ANKRD33B: variants seen among roughly 807,000 people sequenced by gnomAD.
The protein encoded by ANKRD33B is ankyrin repeat domain 33B, also known as ankyrin repeat domain-containing protein 33B.
Under a neutral mutation model 21.5 loss-of-function variants are expected in ANKRD33B, and 6 were observed. That is an observed-to-expected ratio of 0.28 (90% CI 0.15 to 0.55). The LOEUF (loss-of-function observed/expected upper bound fraction) is 0.55. ANKRD33B is among the 20% of genes least tolerant of loss of function. ANKRD33B has a pLI of 0.94. For synonymous variants in ANKRD33B, 347 were observed against 342.4 expected, an observed-to-expected ratio of 1.01 and a Z score of -0.15; for missense variants, 698 against 747.2, an observed-to-expected ratio of 0.93 and a Z score of 0.77.
intron 1 of ANKRD33B, among the ~76,000 whole-genome samples, chr5:10,589,221 C>G (rs151086338): frequency 6.6e-6 from 1 of 152,132 alleles, no homozygotes; most frequent in African/African-American, 2.4e-5. Context: ...CAGGCCCCTC[C>G]GTTTCTCGTT....
intron 1 of ANKRD33B, among the ~76,000 whole-genome samples, chr5:10,617,489 T>C (rs951802927): frequency 3.9e-5 from 6 of 152,190 alleles, no homozygotes; most frequent in African/African-American, 1.2e-4. Flanking sequence ...CTTTCCAGAA[T>C]CCAAATTCGC....
chr5:10,636,355 G>A (rs1261283156), intron 2 of ANKRD33B, among the ~76,000 whole-genome samples: 2 of 152,130 alleles, frequency 1.3e-5, no homozygotes, highest in African/African-American at 4.8e-5. Flanking sequence ...CTCACACCTG[G>A]AATCCCAGCA....
At chr5:10,602,511 C>T (rs1735955293) in intron 1 of ANKRD33B, among the ~76,000 whole-genome samples, 1 of 152,226 alleles carries the variant, frequency 6.6e-6, no homozygotes, top group African/African-American at 2.4e-5. Flanking sequence ...TTGTGCATGA[C>T]AGGCCCAATA....
chr5:10,636,301 C>T (rs115539827), intron 2 of ANKRD33B, among the ~76,000 whole-genome samples: 2,034 of 152,220 alleles, frequency 0.013, 52 homozygotes, highest in African/African-American at 0.044. Flanking sequence ...CTGAGCACTG[C>T]GTCATCGGTG....
At chr5:10,601,189 G>C (rs1199342273) in intron 1 of ANKRD33B, among the ~76,000 whole-genome samples, 1 of 152,160 alleles carries the variant, frequency 6.6e-6, no homozygotes, top group Non-Finnish European at 1.5e-5. Context: ...TGGCAAGGCT[G>C]TCTCCTCCCA....
intron 1 of ANKRD33B, among the ~76,000 whole-genome samples, chr5:10,603,574 C>T (rs555944528): frequency 6.6e-6 from 1 of 152,154 alleles, no homozygotes; most frequent in Non-Finnish European, 1.5e-5. Flanking sequence ...CATCCTTAAA[C>T]ATTTTGTATT....
intron 1 of ANKRD33B, among the ~76,000 whole-genome samples, chr5:10,590,593 C>T (rs1235787677): frequency 2.2e-5 from 1 of 45,478 alleles, no homozygotes; most frequent in African/African-American, 5.2e-5. Context: ...TTGAGATGCG[C>T]GCGCGCGCGC....
chr5:10,604,956 T>G (rs1349605401), intron 1 of ANKRD33B, among the ~76,000 whole-genome samples: 1 of 152,228 alleles, frequency 6.6e-6, no homozygotes, highest in Non-Finnish European at 1.5e-5. Context: ...GGAACCTGGT[T>G]GGGCAGTTCT....
chr5:10,608,198 A>C (rs1291134875), intron 1 of ANKRD33B, among the ~76,000 whole-genome samples: 16 of 143,762 alleles, frequency 1.1e-4, no homozygotes, highest in South Asian at 2.2e-4. Context: ...AAAAAATACA[A>C]AAAAAAAAAA....
intron 2 of ANKRD33B, 98 bp from the exon 3 acceptor site, chr5:10,637,930 C>T (rs1316386077): frequency 1.4e-6 from 2 of 1,383,804 alleles, no homozygotes; most frequent in Non-Finnish European, 1.9e-6. Flanking sequence ...TGGCCCAGGG[C>T]TGACTCAGTG....
chr5:10,638,556 C>G (rs901149532), intron 3 of ANKRD33B, among the ~76,000 whole-genome samples: 2 of 152,214 alleles, frequency 1.3e-5, no homozygotes, highest in African/African-American at 4.8e-5. Flanking sequence ...TGGGAACGGC[C>G]CAGGCCATCC....
rs79635498 is a variant in ANKRD33B, at chr5:10,610,201, C to G, written c.367-8132C>G. ...ATGAGTGGTGGAGTTGAAGTTGTTGCAGCCGCTTTGGAGAGGACTTTGGCT... is the reference window on the plus strand; with the variant it reads ...ATGAGTGGTGGAGTTGAAGTTGTTGGAGCCGCTTTGGAGAGGACTTTGGCT... On this transcript the variant is annotated intron_variant, in intron 1 of 3. Transcript: ENST00000296657. 5.9e-5 allele frequency among the ~76,000 whole-genome samples: 9 copies of G among 152,330 alleles called. No individual in the cohort carries two copies. In the East Asian group the frequency reaches 1.7e-3, roughly 29 times the overall value.
chr5:10,607,398 C>T (rs1736067908), intron 1 of ANKRD33B, among the ~76,000 whole-genome samples: 1 of 152,204 alleles, frequency 6.6e-6, no homozygotes, highest in Non-Finnish European at 1.5e-5. Context: ...ACATCGTCCA[C>T]CGTCTCTCGA....
At position 10,601,105 on chromosome 5, in the gene ANKRD33B, T is replaced by A. The variant is rs189798749; in HGVS notation, c.367-17228T>A. Among the ~76,000 whole-genome samples the A allele has an allele frequency of 2.6e-5, 4 of 152,126 alleles. No individual in the cohort carries two copies. In the East Asian group the frequency reaches 7.7e-4, roughly 29 times the overall value. On this transcript the variant is annotated intron_variant, in intron 1 of 3. Transcript: ENST00000296657. ...AGTTACACCTTAAATCACAAATGAG[T>A]TGCCAACTCAGTTTAAAAAGAATAG...
rs1431121413 is a variant in ANKRD33B at position 10,573,630 on chromosome 5, C to T, written c.366+8797C>T. Among the ~76,000 whole-genome samples, 5 of 152,068 alleles carry T rather than the reference C, an allele frequency of 3.3e-5. No individual in the cohort carries two copies. The East Asian group carries it at 9.6e-4, about 29-fold the overall frequency. The stretch of plus-strand genomic sequence containing the variant: ...ACAGTTCCACATGGCTGGGGAGGCC[C>T]CAGGAAACTTACAATCATGGCAAAA... On this transcript the variant is annotated intron_variant, in intron 1 of 3. Coordinates refer to ENST00000296657, the MANE Select transcript of ANKRD33B (RefSeq NM_001164440.2).
intron 1 of ANKRD33B, among the ~76,000 whole-genome samples, chr5:10,579,683 G>A (rs1216294406): frequency 6.6e-6 from 1 of 151,774 alleles, no homozygotes; most frequent in Non-Finnish European, 1.5e-5. Context: ...AAAATAAGTA[G>A]TCACGGGATG....
chr5:10,579,291 C>T (rs1242067900), intron 1 of ANKRD33B, among the ~76,000 whole-genome samples: 1 of 149,226 alleles, frequency 6.7e-6, no homozygotes, highest in Non-Finnish European at 1.5e-5. Flanking sequence ...TGTGTGAGTT[C>T]TAACATAGAC....
intron 1 of ANKRD33B, among the ~76,000 whole-genome samples, chr5:10,596,630 A>G (rs1296676143): frequency 6.6e-6 from 1 of 152,204 alleles, no homozygotes; most frequent in Non-Finnish European, 1.5e-5. Flanking sequence ...AATTCAGGAT[A>G]TCATTTGTGA....
At chr5:10,590,642 A>G (rs1331280754) in intron 1 of ANKRD33B, among the ~76,000 whole-genome samples, 2 of 151,898 alleles carry the variant, frequency 1.3e-5, no homozygotes, top group African/African-American at 4.8e-5. Context: ...AGCCAGTGTT[A>G]GTGTTAGTAT....
Sources: allele counts gnomAD v4.1 joint callset (sites outside exome capture counted in the v4.1 genomes callset), GRCh38; gene constraint gnomAD v4.1.1; transcripts MANE v1.5; gene names NCBI Gene and HGNC (gene_info 2026-07-23, HGNC 2026-07-21).